The following TET1 variants were observed in gnomAD, a reference collection of about 807,000 sequenced individuals.
TET1 encodes the protein methylcytosine dioxygenase TET1.
In TET1, 13 loss-of-function variants were observed where a neutral mutation model predicts 148.7. The ratio of observed to expected loss-of-function variants is 0.09; its 90% confidence interval spans 0.06 to 0.14. The LOEUF (loss-of-function observed/expected upper bound fraction) is 0.14. TET1 is among the 10% of genes least tolerant of loss of function. The pLI, the probability that TET1 is intolerant of heterozygous loss-of-function variation, is 1.00. For missense variants in TET1, 2,182 were observed against 2,553.8 expected, an observed-to-expected ratio of 0.85 and a Z score of 3.14; for synonymous variants, 907 against 937.2, an observed-to-expected ratio of 0.97 and a Z score of 0.59.
intron 2 of TET1, among the ~76,000 whole-genome samples, chr10:68,595,983 T>TACATACACCATAC (rs1564958967): frequency 1.2e-4 from 6 of 50,430 alleles, no homozygotes; most frequent in East Asian, 6.5e-4. Flanking sequence ...CACACATATA[T>TACATACACCATAC]ACACACACAC....
chr10:68,622,287 G>A (rs1000361583), intron 3 of TET1, among the ~76,000 whole-genome samples: 17 of 140,014 alleles, frequency 1.2e-4, no homozygotes, highest in African/African-American at 4.5e-4. Flanking sequence ...TTTGGACAAG[G>A]CCTTGCTCTG....
At chr10:68,650,432 C>G (rs573508610) in intron 4 of TET1, among the ~76,000 whole-genome samples, 1 of 152,030 alleles carries the variant, frequency 6.6e-6, no homozygotes, top group East Asian at 1.9e-4. Flanking sequence ...CACCTGAGGT[C>G]AGGAGTTCGA....
At chr10:68,659,193 TAGA>T (rs1438478301) in intron 6 of TET1, among the ~76,000 whole-genome samples, 1 of 152,170 alleles carries the variant, frequency 6.6e-6, no homozygotes, top group Non-Finnish European at 1.5e-5. Context: ...CAGAAGTAGG[TAGA>T]AGAAGTCAAA....
Position 68,572,999 on chromosome 10 carries a change from A to G in TET1, c.661A>G (p.Thr221Ala). 5.0e-6 allele frequency: 8 copies of G among 1,614,090 alleles called. No homozygotes were observed. Among genetic ancestry groups the G allele is most frequent in the Non-Finnish European group, 6.8e-6 (8 of 1,180,018 alleles). The change falls in exon 2 of 12, where the codon ACA becomes GCA. Residue 221 changes from threonine to alanine, a missense_variant. Coordinates refer to ENST00000373644, the MANE Select transcript of TET1 (RefSeq NM_030625.3). ...GATCCTTCCTGGGCCACTGGAAGGG[A>G]CACGCTGTGGTGAAGGACTATTCTC... ...AEILPGPLEGTRCGEGLFSEE... is the reference protein window; with the variant it reads ...AEILPGPLEGARCGEGLFSEE...
chr10:68,668,276 C>G (rs1379075282), intron 7 of TET1, among the ~76,000 whole-genome samples: 1 of 152,176 alleles, frequency 6.6e-6, no homozygotes. Flanking sequence ...ATCAAACATA[C>G]CCATCTTTTT....
intron 2 of TET1, among the ~76,000 whole-genome samples, chr10:68,577,777 C>T (rs2053749944): frequency 1.3e-5 from 2 of 152,140 alleles, no homozygotes; most frequent in East Asian, 3.9e-4. Context: ...AATTGCACTC[C>T]AGCATGGGCG....
At chr10:68,624,776 G>GGCTGGAGT (rs1476864320) in intron 3 of TET1, among the ~76,000 whole-genome samples, 6 of 148,448 alleles carry the variant, frequency 4.0e-5, no homozygotes, top group African/African-American at 1.5e-4. Flanking sequence ...CTGTCGCCCA[G>GGCTGGAGT]GCTGGAGTGC....
intron 3 of TET1, among the ~76,000 whole-genome samples, chr10:68,617,701 C>T (rs1223821313): frequency 6.6e-6 from 1 of 151,992 alleles, no homozygotes; most frequent in African/African-American, 2.4e-5. Context: ...CATGCGCCAC[C>T]ACGTCTGGCT....
chr10:68,690,955 C>G lies in TET1; in HGVS notation c.5552C>G (p.Ser1851Cys). 1 of 1,614,206 alleles carries G rather than the reference C, an allele frequency of 6.2e-7. No homozygotes were observed. The highest frequency in any genetic ancestry group is 8.5e-7 in the Non-Finnish European group (1 of 1,180,042). The change falls in exon 12 of 12, where the codon TCC becomes TGC. Residue 1851 changes from serine to cysteine, a missense_variant. This residue lies in a region of TET1 where 380 missense variants were observed against 387.9 expected (regional missense o/e 0.98). Coordinates refer to ENST00000373644, the MANE Select transcript of TET1 (RefSeq NM_030625.3). ...VKEASPGFSW[S>C]PKTASATPAP... ...GAGGCATCTCCAGGCTTCTCCTGGT[C>G]CCCGAAGACTGCTTCAGCCACACCA...
At chr10:68,617,504 T>C (rs979240755) in intron 3 of TET1, among the ~76,000 whole-genome samples, 2 of 152,058 alleles carry the variant, frequency 1.3e-5, no homozygotes, top group South Asian at 2.1e-4. Context: ...TTAATTCTCT[T>C]TGGTTTTTAG....
rs1349464325 is a variant in TET1 at position 68,584,594 on chromosome 10, AGCTATGAGGGAGGCTGAGGC to A, written c.1914+10343_1914+10362del. Among the ~76,000 whole-genome samples the A allele has an allele frequency of 3.6e-3, 546 of 151,130 alleles. 2 individuals carry two copies. The highest frequency in any genetic ancestry group is 0.013 in the African/African-American group (529 of 41,332). On this transcript the variant is annotated intron_variant, in intron 2 of 11. Coordinates refer to ENST00000373644, the MANE Select transcript of TET1 (RefSeq NM_030625.3). ...CGTGGTGGCATGCACCTGTAATCCCAGCTATGAGGGAGGCTGAGGCAGGAGAATTGCTTGAACCCAGGAGG... is the reference window on the plus strand; with the variant it reads ...CGTGGTGGCATGCACCTGTAATCCCAAGGAGAATTGCTTGAACCCAGGAGG...
intron 4 of TET1, among the ~76,000 whole-genome samples, chr10:68,651,318 G>A (rs890911781): frequency 1.3e-5 from 2 of 152,108 alleles, no homozygotes; most frequent in Non-Finnish European, 2.9e-5. Flanking sequence ...GCCGGGCGTG[G>A]TGGCGGGTGC....
intron 4 of TET1, among the ~76,000 whole-genome samples, chr10:68,651,407 C>T (rs1253211471): frequency 6.6e-6 from 1 of 151,802 alleles, no homozygotes; most frequent in African/African-American, 2.4e-5. Flanking sequence ...GCCGAGATCG[C>T]GCCACTGCAC....
At chr10:68,566,487 C>T (rs1590152616) in intron 1 of TET1, among the ~76,000 whole-genome samples, 1 of 144,260 alleles carries the variant, frequency 6.9e-6, no homozygotes, top group Non-Finnish European at 1.5e-5. Flanking sequence ...CAAGCCAAAA[C>T]TTTTTTTTTT....
chr10:68,690,731 T>C, intron 11 of TET1, 77 bp from the exon 12 acceptor site: 1 of 1,431,846 alleles, frequency 7.0e-7, no homozygotes. Flanking sequence ...TGTACTTGTC[T>C]TTGAAAATAC....
intron 3 of TET1, among the ~76,000 whole-genome samples, chr10:68,608,290 C>T (rs1003125747): frequency 6.6e-6 from 1 of 151,706 alleles, no homozygotes; most frequent in African/African-American, 2.4e-5. Flanking sequence ...GGCTGGAGTG[C>T]AGTGGCATGA....
At chr10:68,638,393 C>T (rs1003409854) in intron 3 of TET1, among the ~76,000 whole-genome samples, 4 of 152,134 alleles carry the variant, frequency 2.6e-5, no homozygotes, top group African/African-American at 4.8e-5. Flanking sequence ...CTTTCCTCAA[C>T]AATTTGATAT....
At chr10:68,683,701 C>T (rs1383739639) in intron 10 of TET1, among the ~76,000 whole-genome samples, 5 of 152,180 alleles carry the variant, frequency 3.3e-5, no homozygotes, top group Non-Finnish European at 7.4e-5. Flanking sequence ...TGTGAGCCAA[C>T]GCGCTCGGCC....
At chr10:68,614,005 TTAAGA>T (rs1258636116) in intron 3 of TET1, among the ~76,000 whole-genome samples, 4 of 152,194 alleles carry the variant, frequency 2.6e-5, no homozygotes, top group African/African-American at 9.6e-5. Flanking sequence ...TATTTGCTGA[TTAAGA>T]TAAGTAGAAG....
Sources: allele counts gnomAD v4.1 joint callset (sites outside exome capture counted in the v4.1 genomes callset), GRCh38; gene constraint gnomAD v4.1.1; regional missense constraint gnomAD v4.1.1; transcripts MANE v1.5; gene names NCBI Gene and HGNC (gene_info 2026-07-23, HGNC 2026-07-21).